The following ACOXL variants were observed in gnomAD, a reference collection of about 807,000 sequenced individuals.
The protein encoded by ACOXL is acyl-CoA oxidase like.
In ACOXL, 70 loss-of-function variants were observed where a neutral mutation model predicts 71.9. The ratio of observed to expected loss-of-function variants is 0.97; its 90% CI spans 0.80 to 1.19. The LOEUF (loss-of-function observed/expected upper bound fraction) is 1.19, where lower values mean the gene tolerates loss of function less well. ACOXL is among the 50% of genes most tolerant of loss of function. ACOXL has a pLI of 0.00. For synonymous variants in ACOXL, 253 were observed against 281.6 expected (o/e 0.90, Z 1.02); for missense variants, 703 against 736.3 (o/e 0.95, Z 0.52).
At chr2:111,103,342 T>C (rs1046737534) in intron 17 of ACOXL, among the ~76,000 whole-genome samples, 4 of 151,934 alleles carry the variant, frequency 2.6e-5, no homozygotes, top group African/African-American at 9.7e-5. Context: ...AAAAAGCATG[T>C]AGGGGTGACC....
intron 10 of ACOXL, among the ~76,000 whole-genome samples, chr2:110,843,454 T>C (rs1337764886): frequency 6.6e-6 from 1 of 152,188 alleles, no homozygotes; most frequent in Non-Finnish European, 1.5e-5. Context: ...GAACAAATAG[T>C]CTTTAAATTG....
intron 12 of ACOXL, among the ~76,000 whole-genome samples, chr2:110,967,298 G>A (rs1288457214): frequency 6.6e-6 from 1 of 152,130 alleles, no homozygotes; most frequent in Non-Finnish European, 1.5e-5. Context: ...ATAGAGGGTG[G>A]AATCAGTGAA....
chr2:110,793,766 T>C, intron 4 of ACOXL, 30 bp downstream of exon 4: 1 of 1,563,612 alleles, frequency 6.4e-7, no homozygotes, highest in Non-Finnish European at 8.8e-7. Context: ...ATTGGTCTTC[T>C]ATGGAGAGCC....
intron 14 of ACOXL, among the ~76,000 whole-genome samples, chr2:111,002,029 T>TTCTC: frequency 6.6e-6 from 1 of 150,730 alleles, no homozygotes; most frequent in Non-Finnish European, 1.5e-5. Context: ...GTCTCTGTCT[T>TTCTC]TCTCTCTCTC....
intron 14 of ACOXL, among the ~76,000 whole-genome samples, chr2:111,015,293 G>T (rs571355276): frequency 2.0e-5 from 3 of 152,220 alleles, no homozygotes; most frequent in African/African-American, 7.2e-5. Flanking sequence ...AACCCAGGAA[G>T]AATTGCACAA....
At chr2:110,768,806 G>C (rs1438111889) in intron 2 of ACOXL, among the ~76,000 whole-genome samples, 1 of 151,892 alleles carries the variant, frequency 6.6e-6, no homozygotes, top group African/African-American at 2.4e-5. Flanking sequence ...TGCGGTATTT[G>C]GTTTTCTGTT....
intron 10 of ACOXL, among the ~76,000 whole-genome samples, chr2:110,905,270 C>T (rs1357073951): frequency 1.3e-5 from 2 of 152,012 alleles, no homozygotes; most frequent in Admixed American, 6.6e-5. Flanking sequence ...GTGGCTGAGC[C>T]ACCAAAAATG....
intron 8 of ACOXL, among the ~76,000 whole-genome samples, chr2:110,802,129 T>C: frequency 6.6e-6 from 1 of 152,250 alleles, no homozygotes; most frequent in African/African-American, 2.4e-5. Context: ...ATTATCATCT[T>C]TAATATCACT....
chr2:110,980,189 C>A (rs1041124099), intron 12 of ACOXL, among the ~76,000 whole-genome samples: 18 of 152,220 alleles, frequency 1.2e-4, no homozygotes, highest in African/African-American at 4.1e-4. Flanking sequence ...ATCACCTGTA[C>A]CTTGGAGGAC....
Position 111,032,139 on chromosome 2 carries a change from A to G in ACOXL, c.1369+425A>G, listed in dbSNP as rs139920977. Among the ~76,000 whole-genome samples, 74 of 152,296 alleles carry G rather than the reference A, an allele frequency of 4.9e-4. 1 individual carries two copies. The East Asian group carries it at 0.011, about 23-fold the overall frequency. ...TGCCTGAGGAATTTTAAGTGCCAGA[A>G]TTACTTAGACCTCATCATCAAATTA... is the stretch of plus-strand genomic sequence containing the variant. On this transcript the variant is annotated intron_variant, in intron 15 of 17. Coordinates refer to ENST00000439055, the MANE Select transcript of ACOXL (RefSeq NM_001142807.4).
intron 11 of ACOXL, among the ~76,000 whole-genome samples, chr2:110,916,622 C>G (rs558581331): frequency 6.6e-6 from 1 of 152,220 alleles, no homozygotes; most frequent in Non-Finnish European, 1.5e-5. Flanking sequence ...AATCCAGGAG[C>G]TGGTTTTTTG....
intron 12 of ACOXL, among the ~76,000 whole-genome samples, chr2:110,938,969 A>C (rs881145): frequency 0.59 from 89,872 of 151,980 alleles, 27,111 homozygotes; most frequent in East Asian, 0.84. Context: ...CACAACCCAT[A>C]TTGACAGCTC....
chr2:110,839,116 GAAC>G (rs1035402960), intron 9 of ACOXL, among the ~76,000 whole-genome samples: 9 of 151,494 alleles, frequency 5.9e-5, no homozygotes, highest in African/African-American at 1.9e-4. Flanking sequence ...CAGCTGTCAT[GAAC>G]AACTTTTTCT....
chr2:110,889,120 C>T (rs867878658), intron 10 of ACOXL, among the ~76,000 whole-genome samples: 2 of 152,118 alleles, frequency 1.3e-5, no homozygotes, highest in African/African-American at 2.4e-5. Flanking sequence ...AATGAACATC[C>T]GAGGACATTT....
At chr2:110,927,178 C>G (rs544258784) in intron 11 of ACOXL, among the ~76,000 whole-genome samples, 3 of 152,228 alleles carry the variant, frequency 2.0e-5, no homozygotes, top group Non-Finnish European at 4.4e-5. Context: ...CACTTTCAAC[C>G]AACCAGATAT....
chr2:111,059,662 C>A (rs2066708703), intron 16 of ACOXL, among the ~76,000 whole-genome samples: 1 of 151,902 alleles, frequency 6.6e-6, no homozygotes, highest in Non-Finnish European at 1.5e-5. Context: ...CCTCAAGACC[C>A]AAAGAATGAC....
chr2:110,886,988 A>G, intron 10 of ACOXL: 3 of 1,048,902 alleles, frequency 2.9e-6, no homozygotes, highest in Non-Finnish European at 4.1e-6. Context: ...TTATCTGAGA[A>G]TGTTGTGTGG....
At chr2:110,895,401 TAAAG>T (rs2058968385) in intron 10 of ACOXL, among the ~76,000 whole-genome samples, 1 of 151,632 alleles carries the variant, frequency 6.6e-6, no homozygotes, top group African/African-American at 2.4e-5. Context: ...AAAAAGGAAA[TAAAG>T]AAAAAGTCTC....
At chr2:110,832,633 G>A (rs1689986846) in intron 9 of ACOXL, among the ~76,000 whole-genome samples, 1 of 151,638 alleles carries the variant, frequency 6.6e-6, no homozygotes, top group South Asian at 2.1e-4. Flanking sequence ...TTACAAGGAT[G>A]AAATGACAAG....
Sources: gnomAD v4.1 joint callset for allele counts (sites outside exome capture counted in the v4.1 genomes callset) on GRCh38, gnomAD v4.1.1 for gene constraint, MANE v1.5 for transcripts, NCBI Gene and HGNC (gene_info 2026-07-23, HGNC 2026-07-21) for gene names.